Variants in LCE4A observed in about 807,000 individuals in gnomAD.
The protein encoded by LCE4A is late cornified envelope protein 4A.
For missense variants in LCE4A, 110 were observed against 111.3 expected (o/e 0.99, Z 0.05); for synonymous variants, 41 against 42.3 (o/e 0.97, Z 0.12).
intron 1 of LCE4A, 111 bp from the exon 2 acceptor site, chr1:152,708,944 C>T: frequency 1.5e-6 from 1 of 672,352 alleles, no homozygotes; most frequent in Non-Finnish European, 2.6e-6. Flanking sequence ...CTATACATGT[C>T]CATATTTTAG....
Position 152,709,072 on chromosome 1 carries a change from C to G in LCE4A, c.-4C>G. 3 of 1,609,974 alleles carry G rather than the reference C, an allele frequency of 1.9e-6. No individual in the cohort carries two copies. Among genetic ancestry groups the G allele is most frequent in the Non-Finnish European group, 2.5e-6 (3 of 1,177,458 alleles). On this transcript the variant is annotated 5_prime_UTR_variant, in exon 2 of 2. Transcript: ENST00000368777. ...TCATTCAGGTTTATCGAAATCCCAC[C>G]AAGATGTCCTGCCAGCAGAACCAAC...
At position 152,709,207 on chromosome 1, in the gene LCE4A, C is replaced by CTCTGGGGGCTGCTGTAGT; in HGVS notation, c.143_144insCTGTAGTTCTGGGGGCTG (p.Cys48_Gly49insCysSerSerGlyGlyCys). 1.9e-6 allele frequency: 3 copies of CTCTGGGGGCTGCTGTAGT among 1,614,142 alleles called. No homozygotes were observed. Among genetic ancestry groups the CTCTGGGGGCTGCTGTAGT allele is most frequent in the Non-Finnish European group, 2.5e-6 (3 of 1,180,036 alleles). Reference sequence around the variant, plus strand: ...CAATCTCTTCCTGCTGTGGCTCCAGCTCTGGGGGCTGTGGTTGCTGCAGCT... The same window carrying CTCTGGGGGCTGCTGTAGT: ...CAATCTCTTCCTGCTGTGGCTCCAGCTCTGGGGGCTGCTGTAGTTCTGGGGGCTGTGGTTGCTGCAGCT... On this transcript the variant is annotated inframe_insertion, in exon 2 of 2. Transcript: ENST00000368777.
chr1:152,709,034 T>C (rs2101530415), intron 1 of LCE4A, 21 bp from the exon 2 acceptor site: 4 of 1,471,124 alleles, frequency 2.7e-6, no homozygotes, highest in Middle Eastern at 1.8e-4. Context: ...TTTCTGTATA[T>C]GTTTCTATTT....
chr1:152,708,443 T>G (rs543554468), intron 1 of LCE4A, 49 bp downstream of exon 1: 5 of 152,572 alleles, frequency 3.3e-5, no homozygotes, highest in Admixed American at 3.3e-4. Flanking sequence ...GGGATGAAGA[T>G]GGAGATGGAG....
At position 152,708,198 on chromosome 1, in the gene LCE4A, A is replaced by G. The variant is rs1649717686; in HGVS notation, c.-218A>G. On this transcript the variant is annotated 5_prime_UTR_variant, in exon 1 of 2. Transcript: ENST00000368777. ...ATCTGGGAAGCTCATCATCCAGCTCAGGAAGAGATGAAACCAGGAGGCAGG... is the reference window on the plus strand; with the variant it reads ...ATCTGGGAAGCTCATCATCCAGCTCGGGAAGAGATGAAACCAGGAGGCAGG... 1 of 152,394 alleles carries G rather than the reference A, an allele frequency of 6.6e-6. No homozygotes were observed. Among genetic ancestry groups the G allele is most frequent in the Non-Finnish European group, 1.5e-5 (1 of 68,192 alleles). 9.4% of individuals were successfully genotyped at this position (152,394 alleles called of 1,614,324 possible). A position where few individuals can be genotyped will look rare whatever the true frequency, so the allele number is the denominator to read the frequency against.
At position 152,709,411 on chromosome 1, in the gene LCE4A, C is replaced by A; in HGVS notation, c.*36C>A. 6.6e-7 allele frequency: 1 copy of A among 1,505,982 alleles called. No homozygotes were observed. The highest frequency in any genetic ancestry group is 2.2e-5 in the Admixed American group (1 of 45,452). 93.3% of individuals were successfully genotyped at this position (1,505,982 alleles called of 1,614,324 possible). On this transcript the variant is annotated 3_prime_UTR_variant, in exon 2 of 2. Coordinates refer to ENST00000368777, the MANE Select transcript of LCE4A (RefSeq NM_001387222.1). ...GAGCAGCACCAAAGGAATTAGTGGG[C>A]GAAGGACCCATTGCAGCCTGGTGTT...
chr1:152,708,511 C>CAAGGCCAG (rs1184805171), intron 1 of LCE4A, 117 bp downstream of exon 1: 1 of 152,506 alleles, frequency 6.6e-6, no homozygotes, highest in Non-Finnish European at 1.5e-5. Context: ...ACATGGTGGA[C>CAAGGCCAG]AAGGCCAGAA....
intron 1 of LCE4A, 100 bp from the exon 2 acceptor site, chr1:152,708,955 A>T: frequency 1.4e-6 from 1 of 714,484 alleles, no homozygotes; most frequent in Non-Finnish European, 2.4e-6. Context: ...CATATTTTAG[A>T]TATTCCTCTT....
In LCE4A at chr1:152,709,155, C is replaced by T. The variant is rs763654675; in HGVS notation, c.80C>T (p.Ser27Leu). 17 of 1,613,938 alleles carry T rather than the reference C, an allele frequency of 1.1e-5. No individual in the cohort carries two copies. The highest frequency in any genetic ancestry group is 1.3e-5 in the Non-Finnish European group (15 of 1,179,950). ...PIPKYPPKCP[S>L]KCASSCPPPI... ...CCCAAGTATCCCCCAAAATGTCCCTCAAAGTGTGCATCCTCATGCCCACCT... is the reference window on the plus strand; with the variant it reads ...CCCAAGTATCCCCCAAAATGTCCCTTAAAGTGTGCATCCTCATGCCCACCT... Residue 27 changes from serine (S) to leucine (L), a missense_variant, in exon 2 of 2, where the codon TCA becomes TTA. Ser to Leu is a moderately radical substitution (Grantham distance 145, BLOSUM62 -2). Transcript: ENST00000368777.
At position 152,709,175 on chromosome 1, in the gene LCE4A, C is replaced by T. The variant is rs199807622; in HGVS notation, c.100C>T (p.Pro34Ser). Reference sequence around the variant, plus strand: ...TCCCTCAAAGTGTGCATCCTCATGCCCACCTCCAATCTCTTCCTGCTGTGG... The same window carrying T: ...TCCCTCAAAGTGTGCATCCTCATGCTCACCTCCAATCTCTTCCTGCTGTGG... Reference protein sequence around the residue: ...KCPSKCASSCPPPISSCCGSS... With the variant: ...KCPSKCASSCSPPISSCCGSS... Residue 34 changes from proline to serine, a missense_variant, in exon 2 of 2, where the codon CCA becomes TCA. By Grantham distance (74) the Pro-to-Ser change is moderately conservative. Coordinates refer to ENST00000368777, the MANE Select transcript of LCE4A (RefSeq NM_001387222.1). 519 of 1,233,004 alleles carry T rather than the reference C, an allele frequency of 4.2e-4. 1 individual carries two copies. The highest frequency in any genetic ancestry group is 3.1e-4 in the Non-Finnish European group (271 of 865,066). 76.4% of individuals were successfully genotyped at this position (1,233,004 alleles called of 1,614,324 possible). A position where few individuals can be genotyped will look rare whatever the true frequency, so the allele number is the denominator to read the frequency against.
chr1:152,709,042 T>C lies in LCE4A; in HGVS notation c.-21-13T>C, dbSNP rs370598970. On this transcript the variant is annotated splice_polypyrimidine_tract_variant and intron_variant, in intron 1 of 1. Coordinates refer to ENST00000368777, the MANE Select transcript of LCE4A (RefSeq NM_001387222.1). ...TATTAAGTTTCTGTATATGTTTCTA[T>C]TTTGTCATTCAGGTTTATCGAAATC... is the stretch of plus-strand genomic sequence containing the variant. 20 of 1,542,604 alleles carry C rather than the reference T, an allele frequency of 1.3e-5. No homozygotes were observed. In the East Asian group the frequency reaches 3.6e-4, roughly 28 times the overall value.
At chr1:152,709,022 A>C (rs1395440496) in intron 1 of LCE4A, 33 bp from the exon 2 acceptor site, 5 of 1,367,574 alleles carry the variant, frequency 3.7e-6, no homozygotes, top group Admixed American at 2.0e-5. Context: ...CTTGATATTA[A>C]GTTTCTGTAT....
chr1:152,708,920 T>C, intron 1 of LCE4A, 135 bp from the exon 2 acceptor site: 2 of 615,248 alleles, frequency 3.3e-6, no homozygotes, highest in Non-Finnish European at 5.8e-6. Flanking sequence ...ATACTCTTTG[T>C]CTGAAAGAGG....
rs761401948 is a variant in LCE4A at position 152,709,251 on chromosome 1, G to A, written c.176G>A (p.Cys59Tyr). The change falls in exon 2 of 2, where the codon TGC (cysteine) becomes TAC (tyrosine). Residue 59 changes from cysteine (C) to tyrosine (Y), a missense_variant. Physicochemically the swap from Cys to Tyr is radical, Grantham distance 194. Coordinates refer to ENST00000368777, the MANE Select transcript of LCE4A (RefSeq NM_001387222.1). ...TGCAGCTCTGAGGGAGGTGGCTGCTGCCTGAGCCACCACAGACACCATAGG... is the reference window on the plus strand; with the variant it reads ...TGCAGCTCTGAGGGAGGTGGCTGCTACCTGAGCCACCACAGACACCATAGG... Reference protein sequence around the residue: ...GCCSSEGGGCCLSHHRHHRSH... With the variant: ...GCCSSEGGGCYLSHHRHHRSH... The A allele has an allele frequency of 3.4e-6, 5 of 1,474,286 alleles. No individual in the cohort carries two copies. Among genetic ancestry groups the A allele is most frequent in the East Asian group, 2.4e-5 (1 of 42,352 alleles). 91.3% of individuals were successfully genotyped at this position (1,474,286 alleles called of 1,614,324 possible).
chr1:152,709,000 A>C, intron 1 of LCE4A, 55 bp from the exon 2 acceptor site: 1 of 1,188,196 alleles, frequency 8.4e-7, no homozygotes, highest in South Asian at 1.5e-5. Flanking sequence ...AATAAAAAAA[A>C]ATGTAATGGC....
rs758481121 is a variant in LCE4A, at chr1:152,709,124, C to T, written c.49C>T (p.Pro17Ser). ...QQQCQPPPKC[P>S]IPKYPPKCPS... ...GCAGTGCCAGCCCCCTCCCAAGTGT[C>T]CTATCCCCAAGTATCCCCCAAAATG... The change falls in exon 2 of 2, where the codon CCT becomes TCT. Residue 17 changes from proline (P) to serine (S), a missense_variant. Transcript: ENST00000368777. 1 of 1,613,778 alleles carries T rather than the reference C, an allele frequency of 6.2e-7. No homozygotes were observed. Among genetic ancestry groups the T allele is most frequent in the South Asian group, 1.1e-5 (1 of 91,008 alleles).
intron 1 of LCE4A, among the ~76,000 whole-genome samples, chr1:152,708,687 C>T (rs766083567): frequency 6.6e-6 from 1 of 152,188 alleles, no homozygotes; most frequent in Admixed American, 6.5e-5. Context: ...TTTCTCTAAC[C>T]GTGCAGATCT....
At position 152,708,245 on chromosome 1, in the gene LCE4A, C is replaced by T. The variant is rs1649719139; in HGVS notation, c.-171C>T. 1 of 152,350 alleles carries T rather than the reference C, an allele frequency of 6.6e-6. No homozygotes were observed. Among genetic ancestry groups the T allele is most frequent in the African/African-American group, 2.4e-5 (1 of 41,468 alleles). 9.4% of individuals were successfully genotyped at this position (152,350 alleles called of 1,614,324 possible). On this transcript the variant is annotated 5_prime_UTR_variant, in exon 1 of 2. Transcript: ENST00000368777. Reference sequence around the variant, plus strand: ...CAGGAGAATGTCAGGCATGACCCCACACTTGTGCAACAGCCACGTCCTGCT... The same window carrying T: ...CAGGAGAATGTCAGGCATGACCCCATACTTGTGCAACAGCCACGTCCTGCT...
rs1333232352 is a variant in LCE4A, at chr1:152,708,327, T to C, written c.-89T>C. ...GCCCCAGGATCCATACAAAGTGTGTTCCTGCTGCTGGCTTCTCATCTGCTC... is the reference window on the plus strand; with the variant it reads ...GCCCCAGGATCCATACAAAGTGTGTCCCTGCTGCTGGCTTCTCATCTGCTC... On this transcript the variant is annotated 5_prime_UTR_variant, in exon 1 of 2. Transcript: ENST00000368777. 2 of 152,390 alleles carry C rather than the reference T, an allele frequency of 1.3e-5. No individual in the cohort carries two copies. Among genetic ancestry groups the C allele is most frequent in the Non-Finnish European group, 1.5e-5 (1 of 68,170 alleles). The allele number at this position is 152,390 out of a possible 1,614,324, so 9.4% of individuals were successfully genotyped here.
Sources: gnomAD v4.1 joint callset for allele counts (sites outside exome capture counted in the v4.1 genomes callset) on GRCh38, gnomAD v4.1.1 for gene constraint, MANE v1.5 for transcripts, NCBI Gene and HGNC (gene_info 2026-07-23, HGNC 2026-07-21) for gene names.